MAGI2: variants seen among roughly 807,000 people sequenced by gnomAD.
MAGI2 encodes the protein membrane associated guanylate kinase, WW and PDZ domain containing 2.
A neutral mutation model predicts 133.3 loss-of-function variants in MAGI2; 35 were observed. The ratio of observed to expected loss-of-function variants is 0.26; its 90% CI spans 0.20 to 0.35. The LOEUF (loss-of-function observed/expected upper bound fraction) is 0.35. Among genes scored for constraint, MAGI2 ranks in the 10% least tolerant of loss-of-function variants. MAGI2 has a pLI of 1.00. For missense variants in MAGI2, 1,636 were observed against 1,863.4 expected (o/e 0.88, Z 2.25); for synonymous variants, 729 against 710.6 (o/e 1.03, Z -0.41).
intron 2 of MAGI2, among the ~76,000 whole-genome samples, chr7:78,851,544 C>T (rs549013011): frequency 2.6e-5 from 4 of 152,110 alleles, no homozygotes; most frequent in African/African-American, 9.7e-5. Context: ...CAGATCTCAC[C>T]CCTCTGTGGT....
At chr7:78,662,105 C>T (rs894305043) in intron 2 of MAGI2, among the ~76,000 whole-genome samples, 1 of 152,154 alleles carries the variant, frequency 6.6e-6, no homozygotes, top group African/African-American at 2.4e-5. Context: ...AACTTACCAA[C>T]TTAAAGGGCC....
At chr7:78,070,278 G>A (rs1055239181) in intron 21 of MAGI2, among the ~76,000 whole-genome samples, 3 of 144,276 alleles carry the variant, frequency 2.1e-5, no homozygotes, top group South Asian at 2.2e-4. Flanking sequence ...TTTCTATTAC[G>A]CAGTGGAAGG....
chr7:78,871,030 G>C (rs1320744749), intron 2 of MAGI2, among the ~76,000 whole-genome samples: 2 of 152,176 alleles, frequency 1.3e-5, no homozygotes, highest in Admixed American at 6.5e-5. Flanking sequence ...AATCTAATGG[G>C]CCGGGAGCAG....
intron 2 of MAGI2, among the ~76,000 whole-genome samples, chr7:78,815,774 T>C (rs1789520970): frequency 6.6e-6 from 1 of 152,220 alleles, no homozygotes; most frequent in Non-Finnish European, 1.5e-5. Context: ...ATATTCTTAC[T>C]GCTCCACCAA....
intron 1 of MAGI2, among the ~76,000 whole-genome samples, chr7:79,147,226 A>C (rs1169294519): frequency 6.6e-6 from 1 of 152,222 alleles, no homozygotes; most frequent in Non-Finnish European, 1.5e-5. Context: ...ATATTCAATA[A>C]ATGTTACTTT....
chr7:78,280,623 C>A (rs17343643), intron 9 of MAGI2, among the ~76,000 whole-genome samples: 1 of 151,806 alleles, frequency 6.6e-6, no homozygotes. Flanking sequence ...CTCCATTTTA[C>A]CAGGTTAGAA....
intron 10 of MAGI2, among the ~76,000 whole-genome samples, chr7:78,247,630 C>T (rs1163639909): frequency 6.6e-6 from 1 of 151,822 alleles, no homozygotes; most frequent in Admixed American, 6.6e-5. Context: ...AATCTTGGAG[C>T]TGAAGAATTT....
intron 2 of MAGI2, among the ~76,000 whole-genome samples, chr7:78,898,054 A>G (rs1298909223): frequency 1.3e-5 from 2 of 152,246 alleles, no homozygotes; most frequent in Admixed American, 6.5e-5. Flanking sequence ...AAAAGAAGAC[A>G]TACATGTGGC....
At chr7:78,282,427 C>T (rs1795706543) in intron 9 of MAGI2, among the ~76,000 whole-genome samples, 1 of 152,078 alleles carries the variant, frequency 6.6e-6, no homozygotes, top group African/African-American at 2.4e-5. Context: ...CAGCCAACGT[C>T]ATGTTTTTAC....
At chr7:78,580,049 A>G (rs1395888551) in intron 3 of MAGI2, among the ~76,000 whole-genome samples, 1 of 152,238 alleles carries the variant, frequency 6.6e-6, no homozygotes, top group Non-Finnish European at 1.5e-5. Flanking sequence ...ATAAAATGTA[A>G]CTTAGAATGA....
intron 2 of MAGI2, among the ~76,000 whole-genome samples, chr7:78,847,952 A>G (rs1164608160): frequency 6.6e-6 from 1 of 151,992 alleles, no homozygotes; most frequent in African/African-American, 2.4e-5. Context: ...TTACTGAATA[A>G]CTTGCTAACT....
intron 2 of MAGI2, among the ~76,000 whole-genome samples, chr7:78,721,367 A>T (rs971471812): frequency 1.3e-5 from 2 of 152,054 alleles, no homozygotes; most frequent in African/African-American, 4.8e-5. Flanking sequence ...GTAGCATAAG[A>T]ATTAATCTCA....
chr7:78,220,711 A>G (rs538474151), intron 10 of MAGI2, among the ~76,000 whole-genome samples: 2 of 152,330 alleles, frequency 1.3e-5, no homozygotes, highest in South Asian at 4.1e-4. Flanking sequence ...AGTGGACTGG[A>G]GCAAACATTT....
At chr7:78,379,184 CATATT>C (rs1417578936) in intron 6 of MAGI2, among the ~76,000 whole-genome samples, 13 of 151,860 alleles carry the variant, frequency 8.6e-5, no homozygotes, top group African/African-American at 1.9e-4. Flanking sequence ...AATAAACAGT[CATATT>C]ATAATACGGG....
In MAGI2 at chr7:78,087,632, A is replaced by G. The variant is rs191950862; in HGVS notation, c.3568-8547T>C. The stretch of plus-strand genomic sequence containing the variant: ...TATCATTGAGAGGTTAAAAATGAAA[A>G]CAAAACAAAACAAAAACAACTCTTC... On this transcript the variant is annotated intron_variant, in intron 20 of 21. Transcript: ENST00000354212. Among the ~76,000 whole-genome samples, 13 of 152,322 alleles carry G rather than the reference A, an allele frequency of 8.5e-5. No individual in the cohort carries two copies. In the East Asian group the frequency reaches 2.5e-3, roughly 29 times the overall value.
intron 16 of MAGI2, among the ~76,000 whole-genome samples, chr7:78,139,651 T>C (rs193237843): frequency 6.4e-4 from 97 of 152,262 alleles, no homozygotes; most frequent in African/African-American, 2.3e-3. Flanking sequence ...ATAAATCAAG[T>C]CTTTGGATCA....
chr7:78,632,562 T>G (rs2150967760), intron 2 of MAGI2, among the ~76,000 whole-genome samples: 1 of 152,360 alleles, frequency 6.6e-6, no homozygotes, highest in Middle Eastern at 3.4e-3. Context: ...GAAATTCCAC[T>G]TATTTCACAT....
chr7:79,282,519 T>C (rs968059043), intron 1 of MAGI2, among the ~76,000 whole-genome samples: 1 of 152,130 alleles, frequency 6.6e-6, no homozygotes, highest in Non-Finnish European at 1.5e-5. Flanking sequence ...TATCTGCAGG[T>C]GATTTGGAAA....
At chr7:78,486,971 G>A (rs938620055) in intron 6 of MAGI2, 1 of 526,306 alleles carries the variant, frequency 1.9e-6, no homozygotes, top group African/African-American at 1.9e-5. Context: ...GGCTGGCAGT[G>A]GAAATCCCTG....
Sources: allele counts gnomAD v4.1 joint callset (sites outside exome capture counted in the v4.1 genomes callset), GRCh38; gene constraint gnomAD v4.1.1; transcripts MANE v1.5; gene names NCBI Gene and HGNC (gene_info 2026-07-23, HGNC 2026-07-21).